Variants in BCL11B observed in about 807,000 individuals in gnomAD.
BCL11B encodes the protein BCL11 transcription factor B.
A neutral mutation model predicts 49.9 loss-of-function variants in BCL11B; 8 were observed. The observed-to-expected ratio is 0.16, with a 90% confidence interval of 0.09 to 0.29. BCL11B has a LOEUF of 0.29. BCL11B is among the 10% of genes least tolerant of loss of function. BCL11B has a pLI of 1.00. For synonymous variants in BCL11B, 739 were observed against 637.4 expected, an observed-to-expected ratio of 1.16 and a Z score of -2.40; for missense variants, 1,006 against 1,351.0, an observed-to-expected ratio of 0.74 and a Z score of 4.00.
chr14:99,188,702 C>T (rs865848413), intron 3 of BCL11B, among the ~76,000 whole-genome samples: 44 of 152,242 alleles, frequency 2.9e-4, no homozygotes, highest in Admixed American at 1.5e-3. Flanking sequence ...ATTTCCTCTG[C>T]CCCCCACAGT....
intron 2 of BCL11B, among the ~76,000 whole-genome samples, chr14:99,233,570 G>A (rs1199697355): frequency 1.3e-5 from 2 of 152,160 alleles, no homozygotes; most frequent in East Asian, 3.9e-4. Flanking sequence ...TATCACTACT[G>A]AGAAACCAGC....
rs1011757811 is a variant in BCL11B at position 99,218,073 on chromosome 14, T to G, written c.640+13272A>C. 6.2e-5 allele frequency among the ~76,000 whole-genome samples: 9 copies of G among 144,162 alleles called. No individual in the cohort carries two copies. In the East Asian group the frequency reaches 1.0e-3, roughly 16 times the overall value. 94.6% of individuals were successfully genotyped at this position (144,162 alleles called of 152,430 possible). A position where few individuals can be genotyped will look rare whatever the true frequency, so the allele number is the denominator to read the frequency against. ...ATAATCATTGCAGGTTTTTTTTTTT[T>G]TTTTTTTTTTGAGACAGAGTCTCAC... is the stretch of plus-strand genomic sequence containing the variant. On this transcript the variant is annotated intron_variant, in intron 3 of 3. Transcript: ENST00000357195.
rs1886891994 is a variant in BCL11B at position 99,187,618 on chromosome 14, A to G, written c.641-11423T>C. On this transcript the variant is annotated intron_variant, in intron 3 of 3. Coordinates refer to ENST00000357195, the MANE Select transcript of BCL11B (RefSeq NM_138576.4). ...GAGAAGCACAGAGCAAACCATCCTTATCATTTAATGGACAAATAAAGAGGG... is the reference window on the plus strand; with the variant it reads ...GAGAAGCACAGAGCAAACCATCCTTGTCATTTAATGGACAAATAAAGAGGG... Among the ~76,000 whole-genome samples the G allele has an allele frequency of 2.0e-5, 3 of 150,882 alleles. No individual in the cohort carries two copies. The South Asian group carries it at 6.3e-4, about 32-fold the overall frequency.
chr14:99,221,249 G>A (rs1188179979), intron 3 of BCL11B, among the ~76,000 whole-genome samples: 1 of 152,182 alleles, frequency 6.6e-6, no homozygotes, highest in Non-Finnish European at 1.5e-5. Context: ...AGTCAGAACT[G>A]GTTAAATACA....
At chr14:99,222,625 T>A (rs2139869313) in intron 3 of BCL11B, among the ~76,000 whole-genome samples, 1 of 152,318 alleles carries the variant, frequency 6.6e-6, no homozygotes, top group South Asian at 2.1e-4. Context: ...TCTGGTGGAC[T>A]GAGGATCGGT....
intron 3 of BCL11B, among the ~76,000 whole-genome samples, chr14:99,178,023 G>T (rs912935895): frequency 6.6e-6 from 1 of 152,136 alleles, no homozygotes; most frequent in African/African-American, 2.4e-5. Context: ...AGTTTCTGAG[G>T]GGCCGGGACC....
intron 1 of BCL11B, among the ~76,000 whole-genome samples, chr14:99,270,925 A>T (rs1443825262): frequency 6.7e-6 from 1 of 149,836 alleles, no homozygotes; most frequent in Non-Finnish European, 1.5e-5. Flanking sequence ...CCGGCTCCGC[A>T]GGCCCCCGAG....
intron 3 of BCL11B, among the ~76,000 whole-genome samples, chr14:99,220,153 A>G (rs1274020961): frequency 6.6e-6 from 1 of 152,236 alleles, no homozygotes; most frequent in Non-Finnish European, 1.5e-5. Context: ...TGAGAATGTA[A>G]AACAGCGTAG....
intron 3 of BCL11B, among the ~76,000 whole-genome samples, chr14:99,221,936 C>T (rs1888021403): frequency 6.6e-6 from 1 of 152,188 alleles, no homozygotes; most frequent in South Asian, 2.1e-4. Flanking sequence ...GGGATCCTCC[C>T]GGGAACCATA....
chr14:99,267,107 C>A (rs1889505477), intron 1 of BCL11B, among the ~76,000 whole-genome samples: 1 of 152,126 alleles, frequency 6.6e-6, no homozygotes, highest in Non-Finnish European at 1.5e-5. Context: ...ACACAACACA[C>A]CCAACCAGCT....
At position 99,197,795 on chromosome 14, in the gene BCL11B, G is replaced by A. The variant is rs565353548; in HGVS notation, c.641-21600C>T. Among the ~76,000 whole-genome samples, 12 of 152,318 alleles carry A rather than the reference G, an allele frequency of 7.9e-5. 1 individual carries two copies. The South Asian group carries it at 2.1e-3, about 26-fold the overall frequency. On this transcript the variant is annotated intron_variant, in intron 3 of 3. Transcript: ENST00000357195. ...CGGAGGCCATCAACTGGACAGCTGC[G>A]TGCGAGGGAGACATCCTCACCAAGT...
intron 3 of BCL11B, among the ~76,000 whole-genome samples, chr14:99,212,795 T>C (rs1386525171): frequency 6.6e-6 from 1 of 152,198 alleles, no homozygotes; most frequent in Non-Finnish European, 1.5e-5. Context: ...GCAGAAAGAC[T>C]GCACTGCAGA....
At chr14:99,199,083 G>A (rs1368015013) in intron 3 of BCL11B, among the ~76,000 whole-genome samples, 8 of 152,140 alleles carry the variant, frequency 5.3e-5, no homozygotes, top group Admixed American at 6.5e-5. Context: ...ATACTTGTCC[G>A]CTTCCTGAAA....
rs1888369754 is a variant in BCL11B, at chr14:99,232,540, G to A, written c.428-983C>T. ...AGCTGGGCCCAGCCGGCTTTGCCAGGGAGGCCCAGCACAGGTCTGCACGGG... is the reference window on the plus strand; with the variant it reads ...AGCTGGGCCCAGCCGGCTTTGCCAGAGAGGCCCAGCACAGGTCTGCACGGG... On this transcript the variant is annotated intron_variant, in intron 2 of 3. Coordinates refer to ENST00000357195, the MANE Select transcript of BCL11B (RefSeq NM_138576.4). The surrounding 1 kb of genome is among the most constrained non-coding windows in gnomAD (Gnocchi z 5.1). Among the ~76,000 whole-genome samples, 1 of 152,152 alleles carries A rather than the reference G, an allele frequency of 6.6e-6. No individual in the cohort carries two copies. Among genetic ancestry groups the A allele is most frequent in the South Asian group, 2.1e-4 (1 of 4,830 alleles).
rs1326410828 is a variant in BCL11B, at chr14:99,174,951, C to A, written c.1885G>T (p.Gly629Cys). 2 of 1,483,922 alleles carry A rather than the reference C, an allele frequency of 1.3e-6. No homozygotes were observed. The highest frequency in any genetic ancestry group is 5.9e-5 in the East Asian group (2 of 33,972). 91.9% of individuals were successfully genotyped at this position (1,483,922 alleles called of 1,614,324 possible). ...TCGTCGTCGCCCGCGTCCCCGCCGCCCGCCGCACGCTTCAGGAAGGCGCCG... is the reference window on the plus strand; with the variant it reads ...TCGTCGTCGCCCGCGTCCCCGCCGCACGCCGCACGCTTCAGGAAGGCGCCG... ...KRGAFLKRAA[G>C]GGDAGDDDDA... Residue 629 changes from glycine (G) to cysteine (C), a missense_variant, in exon 4 of 4, where the codon GGC becomes TGC. By Grantham distance (159) the Gly-to-Cys change is radical. Transcript: ENST00000357195.
intron 3 of BCL11B, among the ~76,000 whole-genome samples, chr14:99,203,619 G>GTT (rs1595242963): frequency 5.9e-5 from 9 of 152,128 alleles, no homozygotes; most frequent in East Asian, 1.9e-4. Flanking sequence ...CTACTCACAA[G>GTT]GAGTTCATTC....
chr14:99,174,892 G>A lies in BCL11B; in HGVS notation c.1944C>T (p.Gly648=), dbSNP rs911686691. Residue 648 remains glycine, a synonymous_variant, in exon 4 of 4, where the codon GGC becomes GGT. Coordinates refer to ENST00000357195, the MANE Select transcript of BCL11B (RefSeq NM_138576.4). ...DAGGCGDAGA[G]GAVNGRGGGF... Reference sequence around the variant, plus strand: ...CGCCCCCGCGCCCGTTGACCGCGCCGCCCGCGCCCGCGTCCCCGCAGCCGC... The same window carrying A: ...CGCCCCCGCGCCCGTTGACCGCGCCACCCGCGCCCGCGTCCCCGCAGCCGC... The A allele has an allele frequency of 1.9e-6, 2 of 1,070,728 alleles. No homozygotes were observed. Among genetic ancestry groups the A allele is most frequent in the African/African-American group, 3.5e-5 (2 of 57,858 alleles). 66.3% of individuals were successfully genotyped at this position (1,070,728 alleles called of 1,614,324 possible).
Position 99,261,513 on chromosome 14 carries a change from C to T in BCL11B, c.59-3674G>A, listed in dbSNP as rs115706408. Among the ~76,000 whole-genome samples the T allele has an allele frequency of 5.3e-3, 807 of 152,090 alleles. 5 individuals carry two copies. The highest frequency in any genetic ancestry group is 0.018 in the African/African-American group (757 of 41,464). ...AGTGGTCCAACCTGCCACCCAGAGACGAAAAAGCACCAGGAAAAAGACCAA... is the reference window on the plus strand; with the variant it reads ...AGTGGTCCAACCTGCCACCCAGAGATGAAAAAGCACCAGGAAAAAGACCAA... On this transcript the variant is annotated intron_variant, in intron 1 of 3. Transcript: ENST00000357195.
chr14:99,198,506 T>C (rs532881384), intron 3 of BCL11B, among the ~76,000 whole-genome samples: 7 of 152,314 alleles, frequency 4.6e-5, no homozygotes, highest in Non-Finnish European at 7.4e-5. Context: ...GGCTGGGGCA[T>C]GTTTATTTCA....
Sources: allele counts gnomAD v4.1 joint callset (sites outside exome capture counted in the v4.1 genomes callset), GRCh38; gene constraint gnomAD v4.1.1; non-coding constraint Gnocchi (gnomAD v3.1); transcripts MANE v1.5; gene names NCBI Gene and HGNC (gene_info 2026-07-23, HGNC 2026-07-21).